The following RICTOR variants were observed in gnomAD, a reference collection of about 807,000 sequenced individuals.
RICTOR encodes the protein RPTOR independent companion of MTOR complex 2, also known as rapamycin-insensitive companion of mTOR.
A neutral mutation model predicts 214.9 loss-of-function variants in RICTOR; 49 were observed. The observed-to-expected ratio is 0.23, with a 90% CI of 0.18 to 0.29. The LOEUF (loss-of-function observed/expected upper bound fraction) is 0.29. Among genes scored for constraint, RICTOR ranks in the 10% least tolerant of loss-of-function variants. The pLI is 1.00. For synonymous variants in RICTOR, 717 were observed against 711.3 expected, an observed-to-expected ratio of 1.01 and a Z score of -0.13; for missense variants, 1,625 against 2,047.0, an observed-to-expected ratio of 0.79 and a Z score of 3.98.
At chr5:38,989,808 T>C (rs921565682) in intron 7 of RICTOR, among the ~76,000 whole-genome samples, 5 of 152,086 alleles carry the variant, frequency 3.3e-5, no homozygotes, top group African/African-American at 1.2e-4. Context: ...AAATACCATC[T>C]CACCCCAGTA....
Position 38,950,350 on chromosome 5 carries a change from A to T in RICTOR, c.3498T>A (p.Asn1166Lys). 6.2e-7 allele frequency: 1 copy of T among 1,613,382 alleles called. No homozygotes were observed. ...TLQLETSFMG[N>K]KHIEDTGSTP... ...TACTACCAGTGTCTTCAATGTGCTT[A>T]TTCCCCATAAATGAAGTCTCTAATT... Residue 1166 changes from asparagine (N) to lysine (K), a missense_variant, in exon 31 of 38, where the codon AAT (asparagine) becomes AAA (lysine). By Grantham distance (94) the Asn-to-Lys change is moderately conservative. Around this residue, in one of 5 missense-constraint regions of RICTOR, gnomAD observed 1,214 missense variants for 1,470.5 expected, o/e 0.83. Coordinates refer to ENST00000357387, the MANE Select transcript of RICTOR (RefSeq NM_152756.5).
chr5:38,962,696 T>C (rs1042275833), intron 17 of RICTOR, 110 bp from the exon 18 acceptor site: 3 of 807,052 alleles, frequency 3.7e-6, no homozygotes, highest in Admixed American at 5.4e-5. Flanking sequence ...TAAGGATAGA[T>C]CAAGGTTTTT....
In RICTOR at chr5:38,941,550, T is replaced by C. The variant is rs1220100304; in HGVS notation, c.*754A>G. ...GCATTCTATAAATGGGAAATATTTT[T>C]AATTAAAATAAAAAATGATTTTTAA... On this transcript the variant is annotated 3_prime_UTR_variant, in exon 38 of 38. Coordinates refer to ENST00000357387, the MANE Select transcript of RICTOR (RefSeq NM_152756.5). 4.3e-6 allele frequency: 1 copy of C among 230,960 alleles called. No individual in the cohort carries two copies. The highest frequency in any genetic ancestry group is 2.2e-5 in the African/African-American group (1 of 45,228). 14.3% of individuals were successfully genotyped at this position (230,960 alleles called of 1,614,324 possible).
Position 39,042,621 on chromosome 5 carries a change from C to G in RICTOR, c.98-21485G>C, listed in dbSNP as rs554856235. ...GACAATGTACCTTCAGTGTTCATAC[C>G]GGTTTATAATTACACACTTAATTGT... On this transcript the variant is annotated intron_variant, in intron 2 of 37. Transcript: ENST00000357387. Among the ~76,000 whole-genome samples the G allele has an allele frequency of 1.0e-3, 154 of 152,198 alleles. 1 individual carries two copies. The Middle Eastern group carries it at 0.01, about 10-fold the overall frequency.
rs1434894819 is a variant in RICTOR, at chr5:38,938,938, A to C, written c.*3366T>G. The C allele has an allele frequency of 4.3e-6, 1 of 232,900 alleles. No homozygotes were observed. Among genetic ancestry groups the C allele is most frequent in the Non-Finnish European group, 8.5e-6 (1 of 117,666 alleles). 14.4% of individuals were successfully genotyped at this position (232,900 alleles called of 1,614,324 possible). A position where few individuals can be genotyped will look rare whatever the true frequency, so the allele number is the denominator to read the frequency against. ...CCTTTTCTTTTTTCCCCATGTTTTA[A>C]TGGATTGTGAATCTGAGACAAAAGT... On this transcript the variant is annotated 3_prime_UTR_variant, in exon 38 of 38. Coordinates refer to ENST00000357387, the MANE Select transcript of RICTOR (RefSeq NM_152756.5).
At chr5:38,992,265 G>A (rs1230500725) in intron 6 of RICTOR, among the ~76,000 whole-genome samples, 1 of 152,126 alleles carries the variant, frequency 6.6e-6, no homozygotes, top group Non-Finnish European at 1.5e-5. Context: ...GAGAAAGAAA[G>A]GGAGAAGGAA....
intron 2 of RICTOR, among the ~76,000 whole-genome samples, chr5:39,033,484 G>A (rs985021533): frequency 3.9e-5 from 6 of 152,010 alleles, no homozygotes; most frequent in African/African-American, 1.5e-4. Flanking sequence ...GGCTAGTCTC[G>A]AACTCCTGAC....
At chr5:39,026,500 C>T (rs910721851) in intron 2 of RICTOR, among the ~76,000 whole-genome samples, 8 of 152,128 alleles carry the variant, frequency 5.3e-5, no homozygotes, top group South Asian at 2.1e-4. Flanking sequence ...AAATACTACA[C>T]GTATTCCTGA....
At chr5:39,026,875 C>G (rs553783464) in intron 2 of RICTOR, among the ~76,000 whole-genome samples, 1 of 151,654 alleles carries the variant, frequency 6.6e-6, no homozygotes, top group South Asian at 2.1e-4. Flanking sequence ...GGCGTGGTCA[C>G]GCATGCCTGT....
At chr5:38,975,210 T>A (rs992856059) in intron 10 of RICTOR, among the ~76,000 whole-genome samples, 6 of 152,214 alleles carry the variant, frequency 3.9e-5, no homozygotes, top group African/African-American at 1.4e-4. Context: ...TTTAGTTACA[T>A]ACACAGCTAA....
chr5:39,003,318 T>C (rs982075716), intron 4 of RICTOR, among the ~76,000 whole-genome samples: 6 of 152,216 alleles, frequency 3.9e-5, no homozygotes, highest in South Asian at 2.1e-4. Context: ...GTTTAAATTA[T>C]AGAAGTCCAG....
chr5:39,051,361 T>G (rs762053486), intron 2 of RICTOR, among the ~76,000 whole-genome samples: 1 of 152,168 alleles, frequency 6.6e-6, no homozygotes, highest in African/African-American at 2.4e-5. Flanking sequence ...CACTGTAAGA[T>G]ATACAAAATT....
At chr5:39,051,440 A>C (rs1265968076) in intron 2 of RICTOR, among the ~76,000 whole-genome samples, 1 of 152,216 alleles carries the variant, frequency 6.6e-6, no homozygotes, top group Non-Finnish European at 1.5e-5. Flanking sequence ...ATTTGCTTGC[A>C]AATTATGGAG....
chr5:38,991,107 CT>C, intron 6 of RICTOR, 32 bp from the exon 7 acceptor site: 1 of 1,521,676 alleles, frequency 6.6e-7, no homozygotes, highest in Non-Finnish European at 9.0e-7. Flanking sequence ...AAAGAAGTTA[CT>C]TTAGTAATAC....
chr5:38,992,515 C>A (rs1202300967), intron 6 of RICTOR, among the ~76,000 whole-genome samples: 1 of 152,076 alleles, frequency 6.6e-6, no homozygotes, highest in Non-Finnish European at 1.5e-5. Flanking sequence ...TTGGCTAAAC[C>A]AATCCTCTCT....
chr5:39,047,018 T>C (rs955950075), intron 2 of RICTOR, among the ~76,000 whole-genome samples: 10 of 152,124 alleles, frequency 6.6e-5, no homozygotes, highest in African/African-American at 2.4e-4. Context: ...TTGTGGTGTG[T>C]CCACCTCAAA....
At chr5:38,996,381 T>C (rs1331082802) in intron 6 of RICTOR, among the ~76,000 whole-genome samples, 1 of 152,204 alleles carries the variant, frequency 6.6e-6, no homozygotes, top group Non-Finnish European at 1.5e-5. Context: ...GAATTGTTTA[T>C]TGCAACTGCC....
intron 33 of RICTOR, among the ~76,000 whole-genome samples, chr5:38,946,110 G>A (rs757530932): frequency 6.6e-6 from 1 of 152,072 alleles, no homozygotes; most frequent in Non-Finnish European, 1.5e-5. Context: ...AACAAAGACC[G>A]TGTATTTTAT....
chr5:38,951,859 T>C (rs1246667028), intron 30 of RICTOR, among the ~76,000 whole-genome samples: 1 of 151,894 alleles, frequency 6.6e-6, no homozygotes, highest in Non-Finnish European at 1.5e-5. Flanking sequence ...GAAAAATGAG[T>C]AAAAAGATTA....
Sources: gnomAD v4.1 joint callset for allele counts (sites outside exome capture counted in the v4.1 genomes callset) on GRCh38, gnomAD v4.1.1 for gene constraint, gnomAD v4.1.1 regional missense constraint, MANE v1.5 for transcripts, NCBI Gene and HGNC (gene_info 2026-07-23, HGNC 2026-07-21) for gene names.